POP1: variants seen among roughly 807,000 people sequenced by gnomAD.
The protein encoded by POP1 is POP1 ribonuclease P/MRP subunit, also known as ribonucleases P/MRP protein subunit POP1.
A neutral mutation model predicts 102.2 loss-of-function variants in POP1; 75 were observed. The ratio of observed to expected loss-of-function variants is 0.73; its 90% confidence interval spans 0.61 to 0.89. The LOEUF (loss-of-function observed/expected upper bound fraction) is 0.89, where lower values mean the gene tolerates loss of function less well. Among genes scored for constraint, POP1 ranks in the 40% least tolerant of loss-of-function variants. POP1 has a pLI of 0.00. For synonymous variants in POP1, 436 were observed against 464.1 expected, an observed-to-expected ratio of 0.94 and a Z score of 0.78; for missense variants, 1,116 against 1,267.4, an observed-to-expected ratio of 0.88 and a Z score of 1.81.
intron 5 of POP1, among the ~76,000 whole-genome samples, chr8:98,132,698 T>C (rs10955149): frequency 0.65 from 97,551 of 151,216 alleles, 31,539 homozygotes; most frequent in South Asian, 0.82. Flanking sequence ...TAGGTACATC[T>C]GGTTGTCAGG....
chr8:98,147,991 T>C (rs1187830803), intron 12 of POP1, among the ~76,000 whole-genome samples: 2 of 152,118 alleles, frequency 1.3e-5, no homozygotes, highest in African/African-American at 2.4e-5. Flanking sequence ...GTGAGGAATA[T>C]AGGAAGAGAG....
rs191282815 is a variant in POP1 at position 98,123,569 on chromosome 8, G to A, written c.142+90G>A. On this transcript the variant is annotated intron_variant, in intron 2 of 15. Transcript: ENST00000401707. Reference sequence around the variant, plus strand: ...TGAAGTGGGCGGTTCATGAGGTCAAGAGATCAAGACCATCCTGGCCAACAT... The same window carrying A: ...TGAAGTGGGCGGTTCATGAGGTCAAAAGATCAAGACCATCCTGGCCAACAT... The A allele has an allele frequency of 2.4e-3, 2,855 of 1,182,954 alleles. 20 individuals are homozygous for A. The highest frequency in any genetic ancestry group is 0.014 in the Middle Eastern group (56 of 4,028). 73.3% of individuals were successfully genotyped at this position (1,182,954 alleles called of 1,614,324 possible). A position where few individuals can be genotyped will look rare whatever the true frequency, so the allele number is the denominator to read the frequency against.
At chr8:98,143,252 G>C (rs868562030) in intron 11 of POP1, among the ~76,000 whole-genome samples, 3 of 152,198 alleles carry the variant, frequency 2.0e-5, no homozygotes, top group Non-Finnish European at 4.4e-5. Flanking sequence ...TGTGTGTGCT[G>C]ACTCAGCTGG....
In POP1 at chr8:98,136,675, A is replaced by G. The variant is rs369697833; in HGVS notation, c.1205A>G (p.Asp402Gly). Reference protein sequence around the residue: ...NAKPIKKIIGDGTRDPCLPYS... With the variant: ...NAKPIKKIIGGGTRDPCLPYS... ...AAACCAATTAAAAAAATTATCGGTG[A>G]TGGAACTAGAGATCCATGTCTACCA... The change falls in exon 8 of 16, where the codon GAT (aspartate) becomes GGT (glycine). Residue 402 changes from aspartate (D) to glycine (G), a missense_variant. Asp to Gly is a moderately conservative substitution (Grantham distance 94). Coordinates refer to ENST00000401707, the MANE Select transcript of POP1 (RefSeq NM_001145860.2). 6.8e-6 allele frequency: 11 copies of G among 1,612,862 alleles called. No individual in the cohort carries two copies. The African/African-American group carries it at 1.1e-4, about 16-fold the overall frequency.
intron 3 of POP1, 146 bp from the exon 4 acceptor site, chr8:98,128,219 C>A: frequency 1.3e-6 from 1 of 762,434 alleles, no homozygotes. Context: ...TTCCTTGTAC[C>A]TTGTACCTAT....
In POP1 at chr8:98,158,655, A is replaced by T. The variant is rs192191665; in HGVS notation, c.*384A>T. The stretch of plus-strand genomic sequence containing the variant: ...ATGTGATAAGCAACAATAGATGTTT[A>T]ATGATTTCACTGTTATAGCAGAAGA... On this transcript the variant is annotated 3_prime_UTR_variant, in exon 16 of 16. Coordinates refer to ENST00000401707, the MANE Select transcript of POP1 (RefSeq NM_001145860.2). 421 of 218,090 alleles carry T rather than the reference A, an allele frequency of 1.9e-3. 1 individual carries two copies. Among genetic ancestry groups the T allele is most frequent in the African/African-American group, 9.2e-3 (392 of 42,564 alleles). 13.5% of individuals were successfully genotyped at this position (218,090 alleles called of 1,614,324 possible).
intron 14 of POP1, among the ~76,000 whole-genome samples, chr8:98,152,631 A>G (rs996923740): frequency 2.0e-5 from 3 of 152,232 alleles, no homozygotes; most frequent in Non-Finnish European, 4.4e-5. Context: ...AAAACGTAGA[A>G]ACCATTCTTA....
intron 14 of POP1, among the ~76,000 whole-genome samples, chr8:98,153,520 A>G (rs960267712): frequency 1.4e-5 from 2 of 139,662 alleles, no homozygotes; most frequent in African/African-American, 5.5e-5. Context: ...TAGATTTACA[A>G]ACAGTTCTGA....
chr8:98,137,284 G>A (rs1435216311), intron 9 of POP1, among the ~76,000 whole-genome samples: 6 of 151,740 alleles, frequency 4.0e-5, no homozygotes, highest in South Asian at 2.1e-4. Flanking sequence ...TGATGTGTGC[G>A]TGTGCCATGT....
intron 1 of POP1, among the ~76,000 whole-genome samples, chr8:98,121,512 GTT>G (rs34259075): frequency 8.4e-5 from 10 of 119,672 alleles, no homozygotes; most frequent in African/African-American, 1.6e-4. Context: ...GGTTACACGG[GTT>G]TTTTTTTTTT....
At chr8:98,140,670 A>G in intron 10 of POP1, 99 bp from the exon 11 acceptor site, 1 of 1,299,592 alleles carries the variant, frequency 7.7e-7, no homozygotes, top group Non-Finnish European at 1.1e-6. Context: ...TAGTCCAAGA[A>G]AAACGTTTCA....
At chr8:98,155,796 G>A (rs1211209555) in intron 14 of POP1, among the ~76,000 whole-genome samples, 3 of 151,854 alleles carry the variant, frequency 2.0e-5, no homozygotes, top group African/African-American at 4.8e-5. Context: ...GGCTGGTCTC[G>A]AACTCCTGAC....
Position 98,130,142 on chromosome 8 carries a change from G to T in POP1, c.651G>T (p.Lys217Asn), listed in dbSNP as rs1436452912. 1 of 1,614,100 alleles carries T rather than the reference G, an allele frequency of 6.2e-7. No homozygotes were observed. The highest frequency in any genetic ancestry group is 1.3e-5 in the African/African-American group (1 of 74,932). Residue 217 changes from lysine (K) to asparagine (N), a missense_variant, in exon 5 of 16, where the codon AAG (lysine) becomes AAT (asparagine). By Grantham distance (94) the Lys-to-Asn change is moderately conservative. Transcript: ENST00000401707. Reference sequence around the variant, plus strand: ...CCAAGCGGTTTCATATGGTCAAGAAGTGGGGCTACTGCCTTGGGGAGAGGC... The same window carrying T: ...CCAAGCGGTTTCATATGGTCAAGAATTGGGGCTACTGCCTTGGGGAGAGGC... Reference protein sequence around the residue: ...WHAKRFHMVKKWGYCLGERPT... With the variant: ...WHAKRFHMVKNWGYCLGERPT...
In POP1 at chr8:98,130,039, G is replaced by A. The variant is rs374877792; in HGVS notation, c.548G>A (p.Arg183Lys). 18 of 1,613,978 alleles carry A rather than the reference G, an allele frequency of 1.1e-5. No homozygotes were observed. Among genetic ancestry groups the A allele is most frequent in the Non-Finnish European group, 1.4e-5 (17 of 1,179,954 alleles). Residue 183 changes from arginine to lysine, a missense_variant, in exon 5 of 16, where the codon AGA (arginine) becomes AAA (lysine). Physicochemically the swap from Arg to Lys is conservative, Grantham distance 26 (BLOSUM62 2). Transcript: ENST00000401707. ...HSKNKCHKARRCHMNRTLEFN... is the reference protein window; with the variant it reads ...HSKNKCHKARKCHMNRTLEFN... ...AAAAATAAATGCCATAAAGCTCGAAGATGTCACATGAACCGGACGCTAGAA... is the reference window on the plus strand; with the variant it reads ...AAAAATAAATGCCATAAAGCTCGAAAATGTCACATGAACCGGACGCTAGAA...
chr8:98,145,032 C>T (rs745348257), intron 11 of POP1, among the ~76,000 whole-genome samples: 3 of 152,202 alleles, frequency 2.0e-5, no homozygotes, highest in Admixed American at 6.5e-5. Flanking sequence ...GGATGACAGG[C>T]ACACACCACC....
Position 98,156,093 on chromosome 8 carries a change from C to G in POP1, c.2101C>G (p.Leu701Val), listed in dbSNP as rs1809640058. The change falls in exon 15 of 16, where the codon CTG becomes GTG. Residue 701 changes from leucine (L) to valine (V), a missense_variant. Leu to Val is a conservative substitution (Grantham distance 32). Coordinates refer to ENST00000401707, the MANE Select transcript of POP1 (RefSeq NM_001145860.2). ...GCCCAACTACGTTAAGCTTGGCACT[C>G]TGGCACCTTTCTGCTGTCCCTGGGA... Reference protein sequence around the residue: ...KRPNYVKLGTLAPFCCPWEQL... With the variant: ...KRPNYVKLGTVAPFCCPWEQL... The G allele has an allele frequency of 6.2e-7, 1 of 1,614,092 alleles. No homozygotes were observed. The highest frequency in any genetic ancestry group is 8.5e-7 in the Non-Finnish European group (1 of 1,180,026).
chr8:98,132,914 A>G (rs973919555), intron 5 of POP1, among the ~76,000 whole-genome samples: 2 of 146,648 alleles, frequency 1.4e-5, no homozygotes, highest in African/African-American at 2.5e-5. Context: ...TGCAAAAAAA[A>G]AAAAAAAAAA....
chr8:98,128,677 G>C, intron 4 of POP1, 137 bp downstream of exon 4: 1 of 989,358 alleles, frequency 1.0e-6, no homozygotes, highest in South Asian at 1.4e-5. Flanking sequence ...TCAGCACTTT[G>C]AGAGGCTGAG....
At chr8:98,140,645 A>C (rs17184298) in intron 10 of POP1, 124 bp from the exon 11 acceptor site, 4 of 942,206 alleles carry the variant, frequency 4.2e-6, no homozygotes, top group Non-Finnish European at 6.7e-6. Context: ...GAGGGAATAC[A>C]TGTTTTTAAG....
Sources: allele counts gnomAD v4.1 joint callset (sites outside exome capture counted in the v4.1 genomes callset), GRCh38; gene constraint gnomAD v4.1.1; transcripts MANE v1.5; gene names NCBI Gene and HGNC (gene_info 2026-07-23, HGNC 2026-07-21).